Variants in KNL1 observed in about 807,000 individuals in gnomAD.
KNL1 encodes the protein kinetochore scaffold 1.
In KNL1, 66 loss-of-function variants were observed where a neutral mutation model predicts 201.3. The observed-to-expected ratio is 0.33, with a 90% CI of 0.27 to 0.40. The LOEUF (loss-of-function observed/expected upper bound fraction) is 0.40. Ranked by LOEUF, KNL1 falls within the 10% of genes least tolerant of loss-of-function variation. The pLI is 1.00. For synonymous variants in KNL1, 895 were observed against 899.2 expected (o/e 1.00, Z 0.08); for missense variants, 2,815 against 2,690.5 (o/e 1.05, Z -1.02).
At chr15:40,616,615 T>C (rs979915404) in intron 8 of KNL1, among the ~76,000 whole-genome samples, 1 of 152,222 alleles carries the variant, frequency 6.6e-6, no homozygotes, top group Non-Finnish European at 1.5e-5. Flanking sequence ...ACCTATTCTG[T>C]ATTCCTTCTG....
rs1302585990 is a variant in KNL1 at position 40,623,349 on chromosome 15, G to A, written c.3085G>A (p.Glu1029Lys). The change falls in exon 10 of 26, where the codon GAG becomes AAG. Residue 1029 changes from glutamate (E) to lysine (K), a missense_variant. Glu to Lys is a moderately conservative substitution (Grantham distance 56). Coordinates refer to ENST00000399668, the MANE Select transcript of KNL1 (RefSeq NM_144508.5). ...EEWSNNRGPV[E>K]VADNMELSKS... The stretch of plus-strand genomic sequence containing the variant: ...ATGGTCTAATAATAGGGGCCCTGTA[G>A]AGGTAGCTGATAACATGGAATTGTC... 2 of 1,613,886 alleles carry A rather than the reference G, an allele frequency of 1.2e-6. No individual in the cohort carries two copies. Among genetic ancestry groups the A allele is most frequent in the African/African-American group, 2.7e-5 (2 of 74,916 alleles).
chr15:40,662,128 G>A lies in KNL1; in HGVS notation c.6891G>A (p.Leu2297=), dbSNP rs1394936442. ...LSKVPLENNY[L]KNVVKQIYQD... ...AAGTGCCACTGGAGAACAACTACCTGAAGAATGTAGTCAAGCAAATTTACC... is the reference window on the plus strand; with the variant it reads ...AAGTGCCACTGGAGAACAACTACCTAAAGAATGTAGTCAAGCAAATTTACC... The change falls in exon 26 of 26, where the codon CTG becomes CTA. Residue 2297 remains leucine (L), a synonymous_variant. Coordinates refer to ENST00000399668, the MANE Select transcript of KNL1 (RefSeq NM_144508.5). 1 of 1,613,060 alleles carries A rather than the reference G, an allele frequency of 6.2e-7. No individual in the cohort carries two copies. The highest frequency in any genetic ancestry group is 8.5e-7 in the Non-Finnish European group (1 of 1,179,092).
At chr15:40,660,482 T>C (rs777381872) in intron 25 of KNL1, among the ~76,000 whole-genome samples, 2 of 148,236 alleles carry the variant, frequency 1.3e-5, no homozygotes, top group African/African-American at 2.5e-5. Context: ...CTGGCCAAGT[T>C]GGTGAAACCC....
chr15:40,657,090 A>T lies in KNL1; in HGVS notation c.6533A>T (p.Gln2178Leu), dbSNP rs753938498. 1.1e-5 allele frequency: 18 copies of T among 1,608,850 alleles called. No individual in the cohort carries two copies. The South Asian group carries it at 1.7e-4, about 15-fold the overall frequency. The change falls in exon 23 of 26, where the codon CAG becomes CTG. Residue 2178 changes from glutamine (Q) to leucine (L), a missense_variant. Physicochemically the swap from Gln to Leu is moderately radical, Grantham distance 113. Coordinates refer to ENST00000399668, the MANE Select transcript of KNL1 (RefSeq NM_144508.5). ...CTTTTAGTTCATAAGCTTATTTTCC[A>T]GTACGTTGAAGAAAAGGAATCCTGG... is the stretch of plus-strand genomic sequence containing the variant. ...SSLLVHKLIF[Q>L]YVEEKESWKK...
intron 4 of KNL1, among the ~76,000 whole-genome samples, chr15:40,607,293 C>T (rs77224550): frequency 0.063 from 9,577 of 152,256 alleles, 412 homozygotes; most frequent in Non-Finnish European, 0.083. Context: ...CCCAATCACA[C>T]TTATGAACTA....
chr15:40,662,164 T>C lies in KNL1; in HGVS notation c.6927T>C (p.Phe2309=), dbSNP rs986262066. 4 of 1,607,506 alleles carry C rather than the reference T, an allele frequency of 2.5e-6. No homozygotes were observed. The highest frequency in any genetic ancestry group is 2.6e-6 in the Non-Finnish European group (3 of 1,174,062). The stretch of plus-strand genomic sequence containing the variant: ...TCAAGCAAATTTACCAAGATCTGTT[T>C]CAGGACTGCCATTTCTACCACTAGA... The part of the protein sequence containing the change: ...NVVKQIYQDL[F]QDCHFYH The change falls in exon 26 of 26, where the codon TTT becomes TTC. Residue 2309 remains phenylalanine (F), a synonymous_variant. Transcript: ENST00000399668.
intron 19 of KNL1, among the ~76,000 whole-genome samples, chr15:40,650,946 T>C (rs1361373672): frequency 6.6e-6 from 1 of 152,136 alleles, no homozygotes; most frequent in African/African-American, 2.4e-5. Context: ...ACAAAGCCAC[T>C]AAAATTCTAG....
chr15:40,607,805 G>A (rs1489782480), intron 4 of KNL1, among the ~76,000 whole-genome samples: 1 of 152,000 alleles, frequency 6.6e-6, no homozygotes. Flanking sequence ...AACAAGTGTT[G>A]ATGAGGATGC....
At chr15:40,608,967 C>A in intron 5 of KNL1, 59 bp downstream of exon 5, 2 of 1,105,994 alleles carry the variant, frequency 1.8e-6, no homozygotes, top group Non-Finnish European at 2.7e-6. Context: ...GTGTATCAAA[C>A]CAAATGTATT....
At position 40,621,257 on chromosome 15, in the gene KNL1, T is replaced by A; in HGVS notation, c.993T>A (p.Pro331=). The A allele has an allele frequency of 6.2e-7, 1 of 1,613,986 alleles. No individual in the cohort carries two copies. The highest frequency in any genetic ancestry group is 8.5e-7 in the Non-Finnish European group (1 of 1,179,922). The change falls in exon 10 of 26, where the codon CCT becomes CCA. Residue 331 remains proline, a synonymous_variant. Transcript: ENST00000399668. The part of the protein sequence containing the change: ...LTFNHTLQIL[P]ATGNFSEIEN... ...TTAACCACACTTTGCAGATCTTACC[T>A]GCAACAGGTAATTTTTCTGAAATAG...
At chr15:40,602,057 T>C (rs2141696361) in intron 1 of KNL1, among the ~76,000 whole-genome samples, 1 of 148,212 alleles carries the variant, frequency 6.7e-6, no homozygotes, top group Non-Finnish European at 1.5e-5. Flanking sequence ...TGAGACGGAG[T>C]CTTGCTCTTT....
intron 21 of KNL1, 86 bp downstream of exon 21, chr15:40,652,191 G>A: frequency 1.2e-6 from 1 of 807,182 alleles, no homozygotes; most frequent in South Asian, 1.7e-5. Context: ...TTACTATACT[G>A]ATAACTATTG....
At chr15:40,653,557 C>T (rs190770285) in intron 21 of KNL1, among the ~76,000 whole-genome samples, 1 of 152,290 alleles carries the variant, frequency 6.6e-6, no homozygotes, top group Non-Finnish European at 1.5e-5. Context: ...TCATCTCTAA[C>T]CTAGATGACT....
intron 13 of KNL1, among the ~76,000 whole-genome samples, chr15:40,637,597 T>TA (rs1234451423): frequency 6.6e-6 from 1 of 152,146 alleles, no homozygotes; most frequent in Non-Finnish European, 1.5e-5. Context: ...TGACCTCATG[T>TA]AATGGGTTGC....
intron 2 of KNL1, among the ~76,000 whole-genome samples, chr15:40,604,867 AT>A (rs1287063331): frequency 6.6e-6 from 1 of 152,218 alleles, no homozygotes; most frequent in African/African-American, 2.4e-5. Context: ...TTATACCTCT[AT>A]AAATATGGTA....
Position 40,624,653 on chromosome 15 carries a change from A to G in KNL1, c.4389A>G (p.Glu1463=), listed in dbSNP as rs376815403. The G allele has an allele frequency of 5.6e-6, 9 of 1,613,890 alleles. No individual in the cohort carries two copies. Among genetic ancestry groups the G allele is most frequent in the Non-Finnish European group, 6.8e-6 (8 of 1,179,826 alleles). Residue 1463 remains glutamate (E), a synonymous_variant, in exon 10 of 26, where the codon GAA becomes GAG. Transcript: ENST00000399668. ...AAGGACAGAGTAGTATCAATAAAGA[A>G]GAAGTAATACTGTCTAAAGCTGGAA... is the stretch of plus-strand genomic sequence containing the variant. ...PKKGQSSINK[E]EVILSKAGNK...
rs139655515 is a variant in KNL1 at position 40,651,830 on chromosome 15, A to T, written c.6315-175A>T. 1.6e-3 allele frequency among the ~76,000 whole-genome samples: 246 copies of T among 152,326 alleles called. 1 individual carries two copies. The highest frequency in any genetic ancestry group is 5.6e-3 in the African/African-American group (233 of 41,578). ...ATATACAACTCAAGATTGGGTTCTT[A>T]GTTATTTCAAAAGCTTAAGTTTGTA... On this transcript the variant is annotated intron_variant, in intron 20 of 25. Transcript: ENST00000399668.
intron 1 of KNL1, among the ~76,000 whole-genome samples, chr15:40,597,253 G>T (rs1566996450): frequency 6.7e-6 from 1 of 150,318 alleles, no homozygotes; most frequent in African/African-American, 2.4e-5. Context: ...TAACTTTTTT[G>T]TTTTTTTTTC....
In KNL1 at chr15:40,624,849, A is replaced by G; in HGVS notation, c.4585A>G (p.Thr1529Ala). ...ALDFHSNSDV[T>A]KQVIQTHVNA... is the part of the protein sequence containing the mutation. ...AGATTTCCACAGTAACTCAGACGTA[A>G]CTAAGCAAGTCATTCAAACTCATGT... The change falls in exon 10 of 26, where the codon ACT (threonine) becomes GCT (alanine). Residue 1529 changes from threonine (T) to alanine (A), a missense_variant. Physicochemically the swap from Thr to Ala is moderately conservative, Grantham distance 58. Transcript: ENST00000399668. 6.2e-7 allele frequency: 1 copy of G among 1,612,942 alleles called. No individual in the cohort carries two copies. The highest frequency in any genetic ancestry group is 8.5e-7 in the Non-Finnish European group (1 of 1,179,850).
Sources: gnomAD v4.1 joint callset for allele counts (sites outside exome capture counted in the v4.1 genomes callset) on GRCh38, gnomAD v4.1.1 for gene constraint, MANE v1.5 for transcripts, NCBI Gene and HGNC (gene_info 2026-07-23, HGNC 2026-07-21) for gene names.